Variants in ENTREP2 observed in about 807,000 individuals in gnomAD.
ENTREP2 encodes the protein endosomal transmembrane epsin interactor 2.
the ENTREP2 span, among the ~76,000 whole-genome samples, chr15:29,439,584 G>C: frequency 2.3e-3 from 343 of 152,276 alleles, 1 homozygote; most frequent in African/African-American, 8.1e-3. Flanking sequence ...CAGAACACCA[G>C]GGTGATTGCT....
chr15:29,151,930 G>T, the ENTREP2 span: 1 of 899,804 alleles, frequency 1.1e-6, no homozygotes, highest in Admixed American at 2.0e-5. Context: ...AGAATGAGCC[G>T]AGGTCGATGA....
the ENTREP2 span, among the ~76,000 whole-genome samples, chr15:29,640,578 G>C: frequency 6.6e-6 from 1 of 152,046 alleles, no homozygotes; most frequent in Non-Finnish European, 1.5e-5. Flanking sequence ...TGGAAAGATT[G>C]CTTGAGCCCA....
the ENTREP2 span, among the ~76,000 whole-genome samples, chr15:29,426,943 A>C: frequency 2.6e-5 from 4 of 152,200 alleles, no homozygotes; most frequent in African/African-American, 9.6e-5. Flanking sequence ...AGAATTAAAC[A>C]TGATGGCTTT....
chr15:29,485,575 A>G, the ENTREP2 span, among the ~76,000 whole-genome samples: 4 of 152,224 alleles, frequency 2.6e-5, no homozygotes, highest in Admixed American at 6.5e-5. Flanking sequence ...GGCACACGGT[A>G]GAGTGCCAAA....
At chr15:29,192,389 C>T in the ENTREP2 span, among the ~76,000 whole-genome samples, 20 of 152,118 alleles carry the variant, frequency 1.3e-4, no homozygotes, top group Non-Finnish European at 2.8e-4. Context: ...AACATTATTC[C>T]AGATTCTGCT....
the ENTREP2 span, among the ~76,000 whole-genome samples, chr15:29,179,939 T>C: frequency 6.6e-6 from 1 of 152,052 alleles, no homozygotes; most frequent in Non-Finnish European, 1.5e-5. Flanking sequence ...ACTGATGCTA[T>C]GGAAGCAGAT....
the ENTREP2 span, among the ~76,000 whole-genome samples, chr15:29,590,925 C>T: frequency 7.9e-5 from 12 of 152,246 alleles, no homozygotes; most frequent in South Asian, 1.0e-3. Context: ...ATGTGATTCT[C>T]TTCAGAAGTT....
chr15:29,196,422 G>C, the ENTREP2 span: 1 of 1,549,720 alleles, frequency 6.5e-7, no homozygotes, highest in South Asian at 1.2e-5. Context: ...AGCGCCCAGC[G>C]GGGTCACCTT....
At chr15:29,293,179 T>G in the ENTREP2 span, among the ~76,000 whole-genome samples, 1 of 152,156 alleles carries the variant, frequency 6.6e-6, no homozygotes, top group African/African-American at 2.4e-5. Flanking sequence ...AGAGATGCAC[T>G]AGGTAGGGAG....
the ENTREP2 span, among the ~76,000 whole-genome samples, chr15:29,213,464 T>G: frequency 7.9e-5 from 12 of 152,268 alleles, no homozygotes; most frequent in Admixed American, 2.0e-4. Context: ...CTTTTATTTC[T>G]TTGAGCAGTG....
At chr15:29,140,936 G>A in the ENTREP2 span, among the ~76,000 whole-genome samples, 1 of 152,218 alleles carries the variant, frequency 6.6e-6, no homozygotes, top group African/African-American at 2.4e-5. Flanking sequence ...TGCACCCGAT[G>A]TGGGCATCAC....
the ENTREP2 span, among the ~76,000 whole-genome samples, chr15:29,628,107 C>T: frequency 6.6e-6 from 1 of 152,194 alleles, no homozygotes; most frequent in African/African-American, 2.4e-5. Flanking sequence ...CAGCAGTGCA[C>T]AAGGGTTAAA....
the ENTREP2 span, among the ~76,000 whole-genome samples, chr15:29,534,751 G>C: frequency 2.0e-5 from 3 of 152,182 alleles, no homozygotes; most frequent in Non-Finnish European, 4.4e-5. Flanking sequence ...CCTCAGTGGT[G>C]CCAATTCCTG....
the ENTREP2 span, among the ~76,000 whole-genome samples, chr15:29,226,271 G>C: frequency 6.6e-6 from 1 of 152,170 alleles, no homozygotes; most frequent in Non-Finnish European, 1.5e-5. Context: ...TGTTTACTTT[G>C]CTAGGAAAGT....
chr15:29,356,745 TG>T, the ENTREP2 span, among the ~76,000 whole-genome samples: 5 of 152,178 alleles, frequency 3.3e-5, no homozygotes, highest in Non-Finnish European at 7.4e-5. Flanking sequence ...CCAAAACAAA[TG>T]GAGGGATATA....
At chr15:29,523,395 T>C in the ENTREP2 span, among the ~76,000 whole-genome samples, 1 of 152,022 alleles carries the variant, frequency 6.6e-6, no homozygotes, top group Non-Finnish European at 1.5e-5. Context: ...ACAAAAGAGA[T>C]ATAACTTGTA....
At chr15:29,128,941 C>T in the ENTREP2 span, 1 of 935,250 alleles carries the variant, frequency 1.1e-6, no homozygotes, top group African/African-American at 1.7e-5. Flanking sequence ...AGTGTAGGCG[C>T]TTAAACTTGT....
At chr15:29,397,147 T>G in the ENTREP2 span, among the ~76,000 whole-genome samples, 1 of 152,096 alleles carries the variant, frequency 6.6e-6, no homozygotes, top group South Asian at 2.1e-4. Context: ...TCTCAACACT[T>G]TGGGAGGCCG....
the ENTREP2 span, among the ~76,000 whole-genome samples, chr15:29,165,778 C>T: frequency 6.6e-6 from 1 of 152,066 alleles, no homozygotes; most frequent in Non-Finnish European, 1.5e-5. Flanking sequence ...TGACACTATT[C>T]CACAAGATAA....
Sources: allele counts gnomAD v4.1 joint callset (sites outside exome capture counted in the v4.1 genomes callset), GRCh38; gene constraint gnomAD v4.1.1; transcripts MANE v1.5; gene names NCBI Gene and HGNC (gene_info 2026-07-23, HGNC 2026-07-21).